Variants in ZNF236 observed in about 807,000 individuals in gnomAD.
ZNF236 encodes regulated by glucose.
Under a neutral mutation model 191.2 loss-of-function variants are expected in ZNF236, and 50 were observed. That is an observed-to-expected ratio of 0.26 (90% CI 0.21 to 0.33). The LOEUF (loss-of-function observed/expected upper bound fraction) is 0.33, where lower values mean the gene tolerates loss of function less well. Among genes scored for constraint, ZNF236 ranks in the 10% least tolerant of loss-of-function variants. The pLI is 1.00. For missense variants in ZNF236, 1,754 were observed against 2,374.5 expected (o/e 0.74, Z 5.43); for synonymous variants, 907 against 928.8 (o/e 0.98, Z 0.43).
intron 27 of ZNF236, among the ~76,000 whole-genome samples, chr18:76,948,102 T>C (rs1232215514): frequency 5.9e-5 from 9 of 152,150 alleles, no homozygotes; most frequent in Admixed American, 3.9e-4. Flanking sequence ...TCAAGATCTG[T>C]CATTTGGCTA....
chr18:76,929,660 TAAATGAGTTAATG>T (rs758654751), intron 25 of ZNF236, among the ~76,000 whole-genome samples: 1 of 152,232 alleles, frequency 6.6e-6, no homozygotes, highest in Admixed American at 6.5e-5. Flanking sequence ...GAGAAAACCT[TAAATGAGTTAATG>T]AAATAAGTTT....
At chr18:76,848,243 G>C (rs2122498992) in intron 1 of ZNF236, among the ~76,000 whole-genome samples, 1 of 152,306 alleles carries the variant, frequency 6.6e-6, no homozygotes, top group Admixed American at 6.5e-5. Flanking sequence ...ACAAACTCTT[G>C]AGAACAAGGG....
rs1452698649 is a variant in ZNF236 at position 76,971,835 on chromosome 18, TA to T, written c.*3497del. Among the ~76,000 whole-genome samples, 6 of 152,242 alleles carry T rather than the reference TA, an allele frequency of 3.9e-5. No homozygotes were observed. In the East Asian group the frequency reaches 1.2e-3, roughly 29 times the overall value. ...AGATTTTTAAAGGAAATAGGTAAGA[TA>T]TATAGAACTGCTTTCTAGTGTATAT... On this transcript the variant is annotated 3_prime_UTR_variant, in exon 31 of 31. Coordinates refer to ENST00000320610, the MANE Select transcript of ZNF236 (RefSeq NM_001306089.2).
rs554590856 is a variant in ZNF236 at position 76,849,338 on chromosome 18, C to T, written c.56-188C>T. On this transcript the variant is annotated intron_variant, in intron 1 of 30. Coordinates refer to ENST00000320610, the MANE Select transcript of ZNF236 (RefSeq NM_001306089.2). ...CTGTTGTCCCATATCTTAGTCATCT[C>T]AATGTTTCTCATTTCTAACTTTAAA... The T allele has an allele frequency of 6.0e-6, 3 of 503,796 alleles. No individual in the cohort carries two copies. The East Asian group carries it at 1.0e-4, about 17-fold the overall frequency. 31.2% of individuals were successfully genotyped at this position (503,796 alleles called of 1,614,324 possible). A position where few individuals can be genotyped will look rare whatever the true frequency, so the allele number is the denominator to read the frequency against.
chr18:76,864,269 G>A (rs1451916565), intron 3 of ZNF236, among the ~76,000 whole-genome samples: 3 of 150,052 alleles, frequency 2.0e-5, no homozygotes, highest in Non-Finnish European at 4.4e-5. Context: ...GCACTGTGTC[G>A]GCTCACTGCA....
At chr18:76,933,014 C>G (rs1409639371) in intron 25 of ZNF236, among the ~76,000 whole-genome samples, 1 of 152,194 alleles carries the variant, frequency 6.6e-6, no homozygotes, top group Non-Finnish European at 1.5e-5. Flanking sequence ...ACCAGCATCT[C>G]ACACTCAGGT....
chr18:76,961,526 T>G (rs1323086454), intron 30 of ZNF236, among the ~76,000 whole-genome samples: 1 of 152,098 alleles, frequency 6.6e-6, no homozygotes, highest in Admixed American at 6.5e-5. Context: ...TGCAAGTGTC[T>G]TTTTCATACA....
intron 11 of ZNF236, among the ~76,000 whole-genome samples, chr18:76,903,704 C>G (rs961415135): frequency 2.0e-5 from 3 of 151,896 alleles, no homozygotes; most frequent in African/African-American, 7.3e-5. Context: ...CCAAGCTTGT[C>G]CTGAATTCCT....
At chr18:76,956,224 C>A in intron 28 of ZNF236, 42 bp downstream of exon 28, 1 of 1,536,634 alleles carries the variant, frequency 6.5e-7, no homozygotes, top group Non-Finnish European at 8.7e-7. Flanking sequence ...GCCCCCCAGG[C>A]GGCTAGAGAT....
intron 6 of ZNF236, among the ~76,000 whole-genome samples, chr18:76,876,132 G>C (rs1976705933): frequency 6.6e-6 from 1 of 152,198 alleles, no homozygotes; most frequent in Admixed American, 6.5e-5. Flanking sequence ...CTTCCATGCT[G>C]CTTGTCCAGT....
At chr18:76,835,430 A>G (rs561891143) in intron 1 of ZNF236, among the ~76,000 whole-genome samples, 4 of 152,154 alleles carry the variant, frequency 2.6e-5, no homozygotes, top group Non-Finnish European at 5.9e-5. Context: ...ATGATTGTGA[A>G]TTTGTCTATT....
At chr18:76,866,806 A>G (rs1976425936) in intron 3 of ZNF236, among the ~76,000 whole-genome samples, 2 of 152,098 alleles carry the variant, frequency 1.3e-5, no homozygotes, top group Admixed American at 1.3e-4. Context: ...CACTTCCTCA[A>G]GTGTTGCCAG....
intron 7 of ZNF236, 21 bp downstream of exon 7, chr18:76,878,173 G>A (rs1976767747): frequency 1.3e-6 from 2 of 1,576,620 alleles, no homozygotes; most frequent in African/African-American, 2.7e-5. Flanking sequence ...TAATTTGGAA[G>A]AACTTCTTTT....
intron 26 of ZNF236, among the ~76,000 whole-genome samples, chr18:76,943,607 G>A (rs748786223): frequency 3.3e-5 from 5 of 152,268 alleles, no homozygotes; most frequent in African/African-American, 7.2e-5. Context: ...TTGTATTTAG[G>A]TATATAAATG....
intron 9 of ZNF236, among the ~76,000 whole-genome samples, chr18:76,894,120 A>G (rs879607642): frequency 6.6e-6 from 1 of 152,258 alleles, no homozygotes; most frequent in Admixed American, 6.5e-5. Context: ...AGATGAATAA[A>G]TCTAATCAAA....
intron 18 of ZNF236, 43 bp from the exon 19 acceptor site, chr18:76,915,596 GTAGTGAAA>G (rs1425145674): frequency 6.4e-7 from 1 of 1,559,650 alleles, no homozygotes; most frequent in Non-Finnish European, 8.8e-7. Flanking sequence ...TGGTTTTAAG[GTAGTGAAA>G]TAGGATTGGT....
intron 25 of ZNF236, among the ~76,000 whole-genome samples, chr18:76,932,881 G>A (rs996937146): frequency 1.3e-5 from 2 of 152,312 alleles, no homozygotes; most frequent in African/African-American, 2.4e-5. Context: ...GAATGAGGGC[G>A]CACGCACTCC....
intron 10 of ZNF236, among the ~76,000 whole-genome samples, chr18:76,895,980 G>T (rs1035650578): frequency 6.6e-6 from 1 of 151,434 alleles, no homozygotes; most frequent in African/African-American, 2.4e-5. Context: ...CAGTGCTGCA[G>T]CCACGTGGGC....
At chr18:76,904,600 G>C in intron 12 of ZNF236, 79 bp downstream of exon 12, 1 of 1,320,896 alleles carries the variant, frequency 7.6e-7, no homozygotes, top group Admixed American at 2.7e-5. Flanking sequence ...GAAGTATTTA[G>C]GATGGTAGCA....
Sources: gnomAD v4.1 joint callset for allele counts (sites outside exome capture counted in the v4.1 genomes callset) on GRCh38, gnomAD v4.1.1 for gene constraint, MANE v1.5 for transcripts, NCBI Gene and HGNC (gene_info 2026-07-23, HGNC 2026-07-21) for gene names.